Variants in SYT16 observed in about 807,000 individuals in gnomAD.
SYT16 encodes the protein synaptotagmin 16.
Under a neutral mutation model 61.4 loss-of-function variants are expected in SYT16, and 42 were observed. That is an observed-to-expected ratio of 0.68 (90% CI 0.53 to 0.89). The LOEUF (loss-of-function observed/expected upper bound fraction) is 0.89. Among genes scored for constraint, SYT16 ranks in the 40% least tolerant of loss-of-function variants. The pLI is 0.00. For missense variants in SYT16, 804 were observed against 807.3 expected, an observed-to-expected ratio of 1.00 and a Z score of 0.05; for synonymous variants, 314 against 302.3, an observed-to-expected ratio of 1.04 and a Z score of -0.40.
chr14:61,908,787 A>C (rs552058913), intron 1 of SYT16, among the ~76,000 whole-genome samples: 7 of 152,294 alleles, frequency 4.6e-5, no homozygotes, highest in African/African-American at 1.7e-4. Flanking sequence ...CTGTGGCTCA[A>C]CCAAAAAGCA....
intron 3 of SYT16, among the ~76,000 whole-genome samples, chr14:62,055,049 G>T (rs898240961): frequency 2.6e-5 from 4 of 152,208 alleles, no homozygotes; most frequent in Non-Finnish European, 5.9e-5. Context: ...CTCAACATTT[G>T]CTTGTAAGGA....
intron 2 of SYT16, among the ~76,000 whole-genome samples, chr14:61,995,281 A>G (rs532692452): frequency 6.6e-6 from 1 of 152,234 alleles, no homozygotes; most frequent in South Asian, 2.1e-4. Flanking sequence ...AAAAGCAATG[A>G]GATTCCAGGG....
At chr14:62,005,861 G>T (rs549800458) in intron 3 of SYT16, among the ~76,000 whole-genome samples, 5 of 152,276 alleles carry the variant, frequency 3.3e-5, no homozygotes, top group Admixed American at 3.3e-4. Flanking sequence ...TGTTCCAGAG[G>T]ATGCAAAAAT....
intron 3 of SYT16, among the ~76,000 whole-genome samples, chr14:62,018,818 C>A (rs1023290002): frequency 6.6e-6 from 1 of 152,266 alleles, no homozygotes; most frequent in East Asian, 1.9e-4. Flanking sequence ...CCTTTCCATG[C>A]CTTATGTTTC....
At chr14:61,941,324 T>C (rs1386694983) in intron 1 of SYT16, among the ~76,000 whole-genome samples, 3 of 152,190 alleles carry the variant, frequency 2.0e-5, no homozygotes, top group East Asian at 1.9e-4. Context: ...AGCTCTACCA[T>C]TCAGGCTTCA....
chr14:61,895,785 G>A (rs1424397662), intron 1 of SYT16, among the ~76,000 whole-genome samples: 1 of 151,962 alleles, frequency 6.6e-6, no homozygotes, highest in Non-Finnish European at 1.5e-5. Flanking sequence ...GGATTTTTGA[G>A]TCTTTATTAC....
chr14:61,948,716 G>A (rs1384507725), intron 1 of SYT16, among the ~76,000 whole-genome samples: 1 of 152,190 alleles, frequency 6.6e-6, no homozygotes, highest in Non-Finnish European at 1.5e-5. Context: ...CAGAAAATAT[G>A]TGAAGGAATC....
intron 1 of SYT16, among the ~76,000 whole-genome samples, chr14:61,955,095 A>G (rs2050820965): frequency 6.6e-6 from 1 of 152,126 alleles, no homozygotes; most frequent in South Asian, 2.1e-4. Flanking sequence ...GCAGGATGGT[A>G]TATAGTACCT....
intron 1 of SYT16, among the ~76,000 whole-genome samples, chr14:61,949,614 G>T (rs189367347): frequency 3.4e-4 from 52 of 152,122 alleles, no homozygotes; most frequent in South Asian, 1.2e-3. Context: ...TCACCACACC[G>T]CACTGGGCTG....
chr14:61,966,281 T>C (rs1177815673), intron 1 of SYT16, among the ~76,000 whole-genome samples: 2 of 152,094 alleles, frequency 1.3e-5, no homozygotes, highest in Non-Finnish European at 2.9e-5. Context: ...TGTTTTTACA[T>C]TAAATTCATT....
intron 1 of SYT16, among the ~76,000 whole-genome samples, chr14:61,878,350 G>C (rs1022329150): frequency 2.0e-5 from 3 of 152,200 alleles, no homozygotes; most frequent in Non-Finnish European, 4.4e-5. Context: ...GGGAATACCA[G>C]GTTGATCCGG....
chr14:61,961,819 A>T (rs1182428802), intron 1 of SYT16, among the ~76,000 whole-genome samples: 2 of 152,306 alleles, frequency 1.3e-5, no homozygotes, highest in African/African-American at 4.8e-5. Context: ...GTGCATGCAT[A>T]TGTTCATTGC....
intron 1 of SYT16, among the ~76,000 whole-genome samples, chr14:61,848,480 G>T (rs2046510731): frequency 6.6e-6 from 1 of 152,192 alleles, no homozygotes; most frequent in African/African-American, 2.4e-5. Context: ...CATGACATAA[G>T]CACCCCTGTG....
At chr14:62,028,768 T>A (rs893992454) in intron 3 of SYT16, among the ~76,000 whole-genome samples, 4 of 152,024 alleles carry the variant, frequency 2.6e-5, no homozygotes, top group East Asian at 1.9e-4. Flanking sequence ...ACTCTTTTTT[T>A]AAAAAAAAGT....
chr14:61,925,306 AAG>A (rs1479314430), intron 1 of SYT16, among the ~76,000 whole-genome samples: 1 of 152,188 alleles, frequency 6.6e-6, no homozygotes, highest in Non-Finnish European at 1.5e-5. Flanking sequence ...TAAGCCTGAA[AAG>A]AGAGCTTTTT....
At chr14:62,008,150 C>T (rs2053299544) in intron 3 of SYT16, among the ~76,000 whole-genome samples, 1 of 151,514 alleles carries the variant, frequency 6.6e-6, no homozygotes, top group African/African-American at 2.4e-5. Flanking sequence ...CCTCTTCTTC[C>T]CTCTTCCATT....
At chr14:61,932,154 G>C (rs139849898) in intron 1 of SYT16, among the ~76,000 whole-genome samples, 5 of 152,274 alleles carry the variant, frequency 3.3e-5, no homozygotes, top group Non-Finnish European at 7.4e-5. Context: ...CTTCATAACC[G>C]AGATACCCTC....
At chr14:62,015,554 A>G (rs2053638128) in intron 3 of SYT16, among the ~76,000 whole-genome samples, 1 of 152,126 alleles carries the variant, frequency 6.6e-6, no homozygotes, top group South Asian at 2.1e-4. Flanking sequence ...TGTCTCCTCC[A>G]CAGATTCACA....
At chr14:61,988,319 G>A (rs2052405288) in intron 2 of SYT16, among the ~76,000 whole-genome samples, 2 of 152,200 alleles carry the variant, frequency 1.3e-5, no homozygotes, top group Admixed American at 6.5e-5. Flanking sequence ...TGCGAGAGCA[G>A]TGATAGTCTC....
Sources: allele counts gnomAD v4.1 joint callset (sites outside exome capture counted in the v4.1 genomes callset), GRCh38; gene constraint gnomAD v4.1.1; transcripts MANE v1.5; gene names NCBI Gene and HGNC (gene_info 2026-07-23, HGNC 2026-07-21).